The following LOXL2 variants were observed in gnomAD, a reference collection of about 807,000 sequenced individuals.
LOXL2 encodes lysyl oxidase like 2.
A neutral mutation model predicts 93.0 loss-of-function variants in LOXL2; 70 were observed. That is an observed-to-expected ratio of 0.75 (90% CI 0.62 to 0.92). LOXL2 has a LOEUF of 0.92. LOXL2 is among the 40% of genes least tolerant of loss of function. The pLI is 0.00. For synonymous variants in LOXL2, 438 were observed against 413.2 expected (o/e 1.06, Z -0.73); for missense variants, 973 against 1,054.9 (o/e 0.92, Z 1.08).
At chr8:23,300,484 A>G (rs1418025106) in intron 12 of LOXL2, among the ~76,000 whole-genome samples, 2 of 152,166 alleles carry the variant, frequency 1.3e-5, no homozygotes, top group Non-Finnish European at 2.9e-5. Flanking sequence ...TGTCCTTCAC[A>G]GCACCACTGA....
chr8:23,387,978 G>A (rs528979105), intron 1 of LOXL2, among the ~76,000 whole-genome samples: 1 of 152,168 alleles, frequency 6.6e-6, no homozygotes, highest in South Asian at 2.1e-4. Flanking sequence ...ACTTTTTTAA[G>A]GAAAAATATG....
intron 10 of LOXL2, among the ~76,000 whole-genome samples, chr8:23,306,063 C>A (rs12546469): frequency 1.3e-5 from 2 of 152,102 alleles, no homozygotes; most frequent in Non-Finnish European, 2.9e-5. Context: ...CACTCGCCTC[C>A]GTCTCCCAAA....
chr8:23,303,120 C>T (rs1456277085), intron 11 of LOXL2, among the ~76,000 whole-genome samples, 162 bp downstream of exon 11: 25 of 151,954 alleles, frequency 1.6e-4, no homozygotes, highest in Admixed American at 1.6e-3. Context: ...GCCCATGCCC[C>T]CAGCGCCTCA....
At chr8:23,362,785 G>A (rs1010745272) in intron 2 of LOXL2, among the ~76,000 whole-genome samples, 1 of 152,088 alleles carries the variant, frequency 6.6e-6, no homozygotes, top group African/African-American at 2.4e-5. Flanking sequence ...TGTACATTTG[G>A]CCATAATTTT....
At chr8:23,359,908 C>T (rs1804260552) in intron 3 of LOXL2, among the ~76,000 whole-genome samples, 182 bp downstream of exon 3, 1 of 152,198 alleles carries the variant, frequency 6.6e-6, no homozygotes, top group Admixed American at 6.5e-5. Flanking sequence ...ATGCCCTTTC[C>T]CCATGGATGG....
intron 3 of LOXL2, among the ~76,000 whole-genome samples, chr8:23,351,871 C>T (rs1416841793): frequency 3.3e-5 from 5 of 152,166 alleles, no homozygotes; most frequent in East Asian, 1.9e-4. Context: ...GATGGAGTCT[C>T]GCTCTGTTGC....
intron 3 of LOXL2, among the ~76,000 whole-genome samples, chr8:23,352,353 G>A (rs1804108288): frequency 6.6e-6 from 1 of 152,100 alleles, no homozygotes; most frequent in Non-Finnish European, 1.5e-5. Context: ...CTGGGAATGG[G>A]GCCTCTATTT....
chr8:23,303,209 A>G (rs1344771390), intron 11 of LOXL2, 73 bp downstream of exon 11: 6 of 937,330 alleles, frequency 6.4e-6, no homozygotes, highest in Admixed American at 1.7e-5. Flanking sequence ...CCTGGGCTCC[A>G]GCCAGGTGAT....
intron 6 of LOXL2, among the ~76,000 whole-genome samples, chr8:23,326,332 T>C (rs528030625): frequency 1.3e-5 from 2 of 152,312 alleles, no homozygotes; most frequent in East Asian, 3.9e-4. Context: ...CACACACCCA[T>C]GATAAATGGA....
intron 1 of LOXL2, among the ~76,000 whole-genome samples, chr8:23,371,658 A>G (rs1439490776): frequency 6.9e-6 from 1 of 145,150 alleles, no homozygotes; most frequent in African/African-American, 2.5e-5. Flanking sequence ...AGGCTGAGGC[A>G]GGAGAATGGC....
At chr8:23,386,641 A>G (rs1804764965) in intron 1 of LOXL2, among the ~76,000 whole-genome samples, 1 of 152,118 alleles carries the variant, frequency 6.6e-6, no homozygotes, top group Admixed American at 6.6e-5. Context: ...AAACAGGCAG[A>G]TCTATTCTCA....
intron 10 of LOXL2, among the ~76,000 whole-genome samples, chr8:23,306,026 GTCT>G (rs1233095875): frequency 2.0e-5 from 3 of 152,090 alleles, no homozygotes; most frequent in Non-Finnish European, 2.9e-5. Context: ...GGCAAGGCTG[GTCT>G]TGAACTCCTG....
At position 23,340,832 on chromosome 8, in the gene LOXL2, G is replaced by A. The variant is rs78007888; in HGVS notation, c.743+160C>T. On this transcript the variant is annotated intron_variant, in intron 4 of 13. Coordinates refer to ENST00000389131, the MANE Select transcript of LOXL2 (RefSeq NM_002318.3). ...GCCACGGGGCACCCTTGAACTTGGC[G>A]CCTGGCCCGGCCCAGGGGCTCTGTG... 3.3e-3 allele frequency among the ~76,000 whole-genome samples: 503 copies of A among 152,272 alleles called. 8 individuals are homozygous for A. The highest frequency in any genetic ancestry group is 0.027 in the Admixed American group (414 of 15,314).
chr8:23,378,489 C>T lies in LOXL2; in HGVS notation c.-83-10055G>A, dbSNP rs1286590312. Among the ~76,000 whole-genome samples, 4 of 152,218 alleles carry T rather than the reference C, an allele frequency of 2.6e-5. No homozygotes were observed. The East Asian group carries it at 7.7e-4, about 29-fold the overall frequency. ...TTCCCGAATTTGAACGTTGGCCTGC[C>T]CTGCTAGGTTGGGGAAGTTCTCCTG... On this transcript the variant is annotated intron_variant, in intron 1 of 13. Transcript: ENST00000389131.
intron 6 of LOXL2, among the ~76,000 whole-genome samples, chr8:23,325,507 G>A (rs1055687393): frequency 3.3e-5 from 5 of 152,156 alleles, no homozygotes; most frequent in Middle Eastern, 3.4e-3. Flanking sequence ...GCCCAGGCTC[G>A]TCTTGAACTC....
At chr8:23,350,850 A>AACG (rs1187949519) in intron 3 of LOXL2, among the ~76,000 whole-genome samples, 4 of 152,178 alleles carry the variant, frequency 2.6e-5, no homozygotes, top group Non-Finnish European at 5.9e-5. Flanking sequence ...TAGGTAACAG[A>AACG]GGCTGCTTTT....
At chr8:23,360,035 G>T in intron 3 of LOXL2, 55 bp downstream of exon 3, 1 of 1,515,490 alleles carries the variant, frequency 6.6e-7, no homozygotes, top group Admixed American at 1.7e-5. Context: ...AAAGCGAGTT[G>T]CATGGAAGAG....
At chr8:23,367,846 G>C in intron 2 of LOXL2, 151 bp downstream of exon 2, 1 of 669,368 alleles carries the variant, frequency 1.5e-6, no homozygotes, top group Non-Finnish European at 2.5e-6. Context: ...CAGCCTGAGT[G>C]GGCACAGAAG....
chr8:23,344,482 A>C (rs913911404), intron 3 of LOXL2, among the ~76,000 whole-genome samples: 1 of 151,356 alleles, frequency 6.6e-6, no homozygotes, highest in African/African-American at 2.4e-5. Context: ...CTGTGTGTGC[A>C]CGGGGGTATA....
Sources: gnomAD v4.1 joint callset for allele counts (sites outside exome capture counted in the v4.1 genomes callset) on GRCh38, gnomAD v4.1.1 for gene constraint, MANE v1.5 for transcripts, NCBI Gene and HGNC (gene_info 2026-07-23, HGNC 2026-07-21) for gene names.